PRKDC: variants seen among roughly 807,000 people sequenced by gnomAD.
The protein encoded by PRKDC is DNA-dependent protein kinase catalytic subunit.
A neutral mutation model predicts 486.9 loss-of-function variants in PRKDC; 82 were observed. The ratio of observed to expected loss-of-function variants is 0.17; its 90% CI spans 0.14 to 0.20. The LOEUF (loss-of-function observed/expected upper bound fraction) is 0.20. Ranked by LOEUF, PRKDC falls within the 10% of genes least tolerant of loss-of-function variation. The pLI is 1.00. For missense variants in PRKDC, 4,504 were observed against 5,038.2 expected, an observed-to-expected ratio of 0.89 and a Z score of 3.21; for synonymous variants, 1,895 against 1,837.0, an observed-to-expected ratio of 1.03 and a Z score of -0.81.
At chr8:47,869,844 A>G (rs2154500976) in intron 40 of PRKDC, among the ~76,000 whole-genome samples, 1 of 152,146 alleles carries the variant, frequency 6.6e-6, no homozygotes. Context: ...CATTCACCAC[A>G]AGCTGACTAC....
At chr8:47,828,460 C>T in intron 61 of PRKDC, 113 bp from the exon 62 acceptor site, 1 of 813,850 alleles carries the variant, frequency 1.2e-6, no homozygotes, top group Non-Finnish European at 1.9e-6. Flanking sequence ...TCTATTATAC[C>T]TCTCAATTCT....
At chr8:47,794,990 G>C (rs77274961) in intron 73 of PRKDC, among the ~76,000 whole-genome samples, 1 of 152,020 alleles carries the variant, frequency 6.6e-6, no homozygotes, top group Non-Finnish European at 1.5e-5. Flanking sequence ...CTGGGTTTAA[G>C]CAATCTTCCT....
chr8:47,958,029 T>C (rs2090736904), intron 1 of PRKDC, among the ~76,000 whole-genome samples: 1 of 152,194 alleles, frequency 6.6e-6, no homozygotes, highest in Admixed American at 6.5e-5. Flanking sequence ...GCAGATGGAA[T>C]TAAGGTAGCT....
chr8:47,897,234 A>G lies in PRKDC; in HGVS notation c.3525T>C (p.His1175=), dbSNP rs2089596531. 2 of 1,609,124 alleles carry G rather than the reference A, an allele frequency of 1.2e-6. No individual in the cohort carries two copies. The highest frequency in any genetic ancestry group is 1.7e-6 in the Non-Finnish European group (2 of 1,176,130). The part of the protein sequence containing the change: ...LLDLVKWLLA[H]CGRPQTECRH... ...GACATTCTGTCTGGGGCCTCCCACAATGAGCTAAAAGCCACTTGACCAGAT... is the reference window on the plus strand; with the variant it reads ...GACATTCTGTCTGGGGCCTCCCACAGTGAGCTAAAAGCCACTTGACCAGAT... Residue 1175 remains histidine (H), a synonymous_variant, in exon 30 of 86, where the codon CAT becomes CAC. Coordinates refer to ENST00000314191, the MANE Select transcript of PRKDC (RefSeq NM_006904.7).
chr8:47,923,922 C>T (rs754573869), intron 21 of PRKDC, among the ~76,000 whole-genome samples: 12 of 152,206 alleles, frequency 7.9e-5, no homozygotes, highest in South Asian at 2.1e-4. Flanking sequence ...TACAAATCTA[C>T]GAAATAATCA....
intron 40 of PRKDC, among the ~76,000 whole-genome samples, chr8:47,867,253 G>A (rs1203163405): frequency 6.6e-6 from 1 of 152,166 alleles, no homozygotes; most frequent in Admixed American, 6.5e-5. Flanking sequence ...AGAGGAACAA[G>A]AGAAGGGCCC....
chr8:47,778,687 T>G (rs2086649260), intron 82 of PRKDC, 27 bp from the exon 83 acceptor site: 1 of 1,613,332 alleles, frequency 6.2e-7, no homozygotes, highest in East Asian at 2.2e-5. Context: ...GCTGTGCGGC[T>G]GCTGTGATCC....
At chr8:47,848,168 C>T (rs1182842869) in intron 54 of PRKDC, among the ~76,000 whole-genome samples, 1 of 152,048 alleles carries the variant, frequency 6.6e-6, no homozygotes, top group East Asian at 1.9e-4. Context: ...AATCTTTCTA[C>T]CAAAAAGACA....
At chr8:47,928,761 G>C (rs1433874843) in intron 19 of PRKDC, among the ~76,000 whole-genome samples, 1 of 151,958 alleles carries the variant, frequency 6.6e-6, no homozygotes, top group Non-Finnish European at 1.5e-5. Context: ...TCAGCTCACT[G>C]CAACTTCTGC....
At chr8:47,786,723 C>CTTTTTT (rs5891257) in intron 76 of PRKDC, among the ~76,000 whole-genome samples, 22 of 88,248 alleles carry the variant, frequency 2.5e-4, no homozygotes, top group Admixed American at 3.8e-4. Flanking sequence ...ATTATTTAAT[C>CTTTTTT]TTTTTTTTTT....
chr8:47,823,793 T>C, intron 64 of PRKDC, 65 bp downstream of exon 64: 4 of 1,576,590 alleles, frequency 2.5e-6, no homozygotes, highest in Admixed American at 1.7e-5. Flanking sequence ...TTGCTTAAAG[T>C]CATAGTTCAG....
intron 9 of PRKDC, 129 bp from the exon 10 acceptor site, chr8:47,943,495 A>G (rs2090480737): frequency 1.0e-6 from 1 of 965,412 alleles, no homozygotes; most frequent in Admixed American, 3.1e-5. Context: ...ACACTACAGT[A>G]ACCCAGGGAT....
intron 31 of PRKDC, among the ~76,000 whole-genome samples, chr8:47,891,293 G>C (rs2089450025): frequency 6.6e-6 from 1 of 152,308 alleles, no homozygotes; most frequent in South Asian, 2.1e-4. Flanking sequence ...CTTTTTGTAA[G>C]TCTCATGGTT....
In PRKDC at chr8:47,776,787, C is replaced by T. The variant is rs1162009690; in HGVS notation, c.12182+57G>A. Reference sequence around the variant, plus strand: ...GCACTTTGTATATATGTTGGCTCCTCGAGAAACAGTAGCATGTCGGTAGTC... The same window carrying T: ...GCACTTTGTATATATGTTGGCTCCTTGAGAAACAGTAGCATGTCGGTAGTC... On this transcript the variant is annotated intron_variant, in intron 85 of 85. Transcript: ENST00000314191. 5.6e-6 allele frequency: 9 copies of T among 1,594,526 alleles called. No homozygotes were observed. The Admixed American group carries it at 8.7e-5, about 15-fold the overall frequency.
intron 7 of PRKDC, among the ~76,000 whole-genome samples, chr8:47,949,280 C>T (rs1376021660): frequency 3.3e-5 from 5 of 152,230 alleles, no homozygotes; most frequent in Admixed American, 1.3e-4. Flanking sequence ...TGAAGCATAA[C>T]AGGGATTAGG....
chr8:47,939,182 A>T (rs969993029), intron 11 of PRKDC, among the ~76,000 whole-genome samples: 1 of 152,196 alleles, frequency 6.6e-6, no homozygotes, highest in Non-Finnish European at 1.5e-5. Flanking sequence ...GCAGACACTG[A>T]AGAAATCTTA....
intron 18 of PRKDC, 97 bp from the exon 19 acceptor site, chr8:47,929,275 A>G (rs1166737340): frequency 1.2e-6 from 1 of 818,706 alleles, no homozygotes; most frequent in Non-Finnish European, 2.0e-6. Flanking sequence ...GGGTGAATCC[A>G]TTTCAAGTTA....
chr8:47,895,170 C>T (rs2089550527), intron 30 of PRKDC, among the ~76,000 whole-genome samples: 3 of 151,696 alleles, frequency 2.0e-5, no homozygotes, highest in Admixed American at 6.6e-5. Flanking sequence ...GTGTCCAGCC[C>T]GGACAACATA....
chr8:47,867,070 T>A (rs1296237677), intron 40 of PRKDC, among the ~76,000 whole-genome samples: 1 of 152,174 alleles, frequency 6.6e-6, no homozygotes, highest in Non-Finnish European at 1.5e-5. Flanking sequence ...AGCAAAAGAT[T>A]GAACCCAGAA....
Sources: gnomAD v4.1 joint callset for allele counts (sites outside exome capture counted in the v4.1 genomes callset) on GRCh38, gnomAD v4.1.1 for gene constraint, MANE v1.5 for transcripts, NCBI Gene and HGNC (gene_info 2026-07-23, HGNC 2026-07-21) for gene names.